The following ZNF587 variants were observed in gnomAD, a reference collection of about 807,000 sequenced individuals.
ZNF587 encodes the protein zinc finger protein zfp6.
Under a neutral mutation model 7.5 loss-of-function variants are expected in ZNF587, and 8 were observed. The ratio of observed to expected loss-of-function variants is 1.06; its 90% confidence interval spans 0.62 to 1.92. The LOEUF (loss-of-function observed/expected upper bound fraction) is 1.92, where lower values mean the gene tolerates loss of function less well. ZNF587 is among the 40% of genes most tolerant of loss of function. The pLI is 0.00. For missense variants in ZNF587, 468 were observed against 692.8 expected (o/e 0.68, Z 3.64); for synonymous variants, 145 against 237.8 (o/e 0.61, Z 3.59).
In ZNF587 at chr19:57,858,937, T is replaced by G; in HGVS notation, c.525T>G (p.Phe175Leu). 1 of 1,612,412 alleles carries G rather than the reference T, an allele frequency of 6.2e-7. No individual in the cohort carries two copies. Residue 175 changes from phenylalanine (F) to leucine (L), a missense_variant, in exon 3 of 3, where the codon TTT (phenylalanine) becomes TTG (leucine). Physicochemically the swap from Phe to Leu is conservative, Grantham distance 22. Coordinates refer to ENST00000339656, the MANE Select transcript of ZNF587 (RefSeq NM_032828.4). ...AGGAGCCATTTGTCTTCCGCGAGTT[T>G]GGGAAGGACGTTCTGCCCAGTTCAG... Reference protein sequence around the residue: ...VSQEPFVFREFGKDVLPSSGL... With the variant: ...VSQEPFVFRELGKDVLPSSGL...
rs1418523115 is a variant in ZNF587, at chr19:57,863,497, C to T, written c.*3357C>T. 1 of 152,230 alleles carries T rather than the reference C, an allele frequency of 6.6e-6. No individual in the cohort carries two copies. Among genetic ancestry groups the T allele is most frequent in the African/African-American group, 2.4e-5 (1 of 41,468 alleles). 9.4% of individuals were successfully genotyped at this position (152,230 alleles called of 1,614,324 possible). On this transcript the variant is annotated 3_prime_UTR_variant, in exon 3 of 3. Coordinates refer to ENST00000339656, the MANE Select transcript of ZNF587 (RefSeq NM_032828.4). ...ATCTCCAGACCTCGTGATCCGCCCG[C>T]CTTAGCCTCCCAAAGTGCTGGGATT... is the stretch of plus-strand genomic sequence containing the variant.
Position 57,862,689 on chromosome 19 carries a change from C to T in ZNF587, c.*2549C>T, listed in dbSNP as rs548556624. The T allele has an allele frequency of 1.9e-5, 3 of 154,978 alleles. No individual in the cohort carries two copies. The highest frequency in any genetic ancestry group is 6.6e-5 in the Admixed American group (1 of 15,266). The allele number at this position is 154,978 out of a possible 1,614,324, so 9.6% of individuals were successfully genotyped here. On this transcript the variant is annotated 3_prime_UTR_variant, in exon 3 of 3. Transcript: ENST00000339656. ...TAAATGTGAATTTGGCAAGTAACCA[C>T]TGTTCCCAGGGAAATGTCCCAATCA...
Position 57,864,627 on chromosome 19 carries a change from T to G in ZNF587, c.*4487T>G, listed in dbSNP as rs1438641295. ...ACATACATGAAATAGTGATACTTCA[T>G]TCTCAGTAATATCTTCATCCTTCTC... On this transcript the variant is annotated 3_prime_UTR_variant, in exon 3 of 3. Coordinates refer to ENST00000339656, the MANE Select transcript of ZNF587 (RefSeq NM_032828.4). 2.6e-5 allele frequency: 4 copies of G among 152,276 alleles called. No homozygotes were observed. Among genetic ancestry groups the G allele is most frequent in the African/African-American group, 9.6e-5 (4 of 41,532 alleles). 9.4% of individuals were successfully genotyped at this position (152,276 alleles called of 1,614,324 possible). A position where few individuals can be genotyped will look rare whatever the true frequency, so the allele number is the denominator to read the frequency against.
intron 1 of ZNF587, chr19:57,850,322 C>G (rs1272005294): frequency 3.1e-5 from 20 of 640,582 alleles, no homozygotes; most frequent in Non-Finnish European, 4.9e-5. Flanking sequence ...TCCTGCTGTT[C>G]GGGAGACAGG....
chr19:57,850,369 G>A, intron 1 of ZNF587: 1 of 590,762 alleles, frequency 1.7e-6, no homozygotes, highest in Non-Finnish European at 2.9e-6. Context: ...TGAGCATTCT[G>A]GGATCAGAGT....
chr19:57,859,766 C>G lies in ZNF587; in HGVS notation c.1354C>G (p.Leu452Val). The change falls in exon 3 of 3, where the codon CTG (leucine) becomes GTG (valine). Residue 452 changes from leucine to valine, a missense_variant. Transcript: ENST00000339656. ...ATTATTTAACAGGAAGTATCATCTT[C>G]TGGTTCATGAGAGAGTTCACACTGG... The part of the protein sequence containing the change: ...GKLFNRKYHL[L>V]VHERVHTGER... 6.2e-7 allele frequency: 1 copy of G among 1,612,636 alleles called. No individual in the cohort carries two copies. Among genetic ancestry groups the G allele is most frequent in the Non-Finnish European group, 8.5e-7 (1 of 1,179,686 alleles).
At position 57,863,027 on chromosome 19, in the gene ZNF587, A is replaced by T. The variant is rs1434095328; in HGVS notation, c.*2887A>T. The stretch of plus-strand genomic sequence containing the variant: ...GAGTGCAGTGGCACGATCTCGGCTC[A>T]CTGCAACTCCACCTCCCGGGTTCAC... On this transcript the variant is annotated 3_prime_UTR_variant, in exon 3 of 3. Transcript: ENST00000339656. 1.3e-5 allele frequency: 2 copies of T among 152,932 alleles called. No individual in the cohort carries two copies. Among genetic ancestry groups the T allele is most frequent in the Non-Finnish European group, 2.9e-5 (2 of 68,244 alleles). 9.5% of individuals were successfully genotyped at this position (152,932 alleles called of 1,614,324 possible).
chr19:57,861,789 T>TTTTTTTTTTC lies in ZNF587; in HGVS notation c.*1649_*1650insTTTTTTTTTC, dbSNP rs1555775628. 5.4e-5 allele frequency: 8 copies of TTTTTTTTTTC among 148,038 alleles called. No individual in the cohort carries two copies. Among genetic ancestry groups the TTTTTTTTTTC allele is most frequent in the African/African-American group, 1.6e-4 (6 of 38,324 alleles). The allele number at this position is 148,038 out of a possible 1,614,324, so 9.2% of individuals were successfully genotyped here. A position where few individuals can be genotyped will look rare whatever the true frequency, so the allele number is the denominator to read the frequency against. On this transcript the variant is annotated 3_prime_UTR_variant, in exon 3 of 3. Coordinates refer to ENST00000339656, the MANE Select transcript of ZNF587 (RefSeq NM_032828.4). ...TTTGGTTTTCTTTTTTTTTTTTTTT[T>TTTTTTTTTTC]CCAGATGGAGTCTAGCTCTGTCTCC...
At chr19:57,857,612 G>T (rs574920051) in intron 2 of ZNF587, among the ~76,000 whole-genome samples, 1 of 147,084 alleles carries the variant, frequency 6.8e-6, no homozygotes, top group Non-Finnish European at 1.5e-5. Flanking sequence ...ATGTGTGTAT[G>T]TGTATATATA....
intron 1 of ZNF587, chr19:57,850,281 C>T (rs117949564): frequency 0.062 from 47,342 of 759,574 alleles, 1,808 homozygotes; most frequent in Middle Eastern, 0.081. Flanking sequence ...TGGGGAATTG[C>T]GATGGAGAAA....
intron 1 of ZNF587, chr19:57,850,937 C>G: frequency 6.0e-6 from 1 of 167,822 alleles, no homozygotes. Context: ...TTAACTGAAA[C>G]GGGTGGCTGC....
Position 57,863,713 on chromosome 19 carries a change from A to C in ZNF587, c.*3573A>C, listed in dbSNP as rs1291576933. On this transcript the variant is annotated 3_prime_UTR_variant, in exon 3 of 3. Coordinates refer to ENST00000339656, the MANE Select transcript of ZNF587 (RefSeq NM_032828.4). ...AAAAGAAAGTTAAGAAATGTGGATA[A>C]AAGATTGTAAGTTAGAAATGGCAAG... 6.6e-6 allele frequency: 1 copy of C among 152,142 alleles called. No homozygotes were observed. Among genetic ancestry groups the C allele is most frequent in the Non-Finnish European group, 1.5e-5 (1 of 68,032 alleles). 9.4% of individuals were successfully genotyped at this position (152,142 alleles called of 1,614,324 possible). A position where few individuals can be genotyped will look rare whatever the true frequency, so the allele number is the denominator to read the frequency against.
In ZNF587 at chr19:57,863,272, C is replaced by T. The variant is rs1156870697; in HGVS notation, c.*3132C>T. The T allele has an allele frequency of 6.6e-6, 1 of 152,270 alleles. No individual in the cohort carries two copies. The highest frequency in any genetic ancestry group is 1.5e-5 in the Non-Finnish European group (1 of 68,110). The allele number at this position is 152,270 out of a possible 1,614,324, so 9.4% of individuals were successfully genotyped here. A position where few individuals can be genotyped will look rare whatever the true frequency, so the allele number is the denominator to read the frequency against. ...AGCTGGGATTACAGGTGCGTGCCAC[C>T]ACACCCAGCTAATTTTTGTATTTTT... On this transcript the variant is annotated 3_prime_UTR_variant, in exon 3 of 3. Transcript: ENST00000339656.
rs1484550079 is a variant in ZNF587 at position 57,859,507 on chromosome 19, C to G, written c.1095C>G (p.Phe365Leu). Reference sequence around the variant, plus strand: ...GTGGGAAATCTTTTCGTCAGAAGTTCTGCTTTATTAACCATCAGCGTGTTC... The same window carrying G: ...GTGGGAAATCTTTTCGTCAGAAGTTGTGCTTTATTAACCATCAGCGTGTTC... ...GECGKSFRQK[F>L]CFINHQRVHT... Residue 365 changes from phenylalanine to leucine, a missense_variant, in exon 3 of 3, where the codon TTC becomes TTG. This residue lies in a region of ZNF587 where 310 missense variants were observed against 325.6 expected (regional missense o/e 0.95). Coordinates refer to ENST00000339656, the MANE Select transcript of ZNF587 (RefSeq NM_032828.4). 1 of 1,613,438 alleles carries G rather than the reference C, an allele frequency of 6.2e-7. No homozygotes were observed. Among genetic ancestry groups the G allele is most frequent in the Non-Finnish European group, 8.5e-7 (1 of 1,179,750 alleles).
chr19:57,860,238 G>GATT lies in ZNF587; in HGVS notation c.*98_*99insATT. On this transcript the variant is annotated 3_prime_UTR_variant, in exon 3 of 3. Transcript: ENST00000339656. ...AAGGCCTTATGAGTGCTGTCAATGT[G>GATT]GAAAACATCAGAATGTCTGCTGTCC... 6.3e-7 allele frequency: 1 copy of GATT among 1,598,930 alleles called. No individual in the cohort carries two copies. Among genetic ancestry groups the GATT allele is most frequent in the Non-Finnish European group, 8.5e-7 (1 of 1,170,278 alleles).
Position 57,860,499 on chromosome 19 carries a change from C to T in ZNF587, c.*359C>T. The T allele has an allele frequency of 3.3e-6, 1 of 302,392 alleles. No individual in the cohort carries two copies. The highest frequency in any genetic ancestry group is 3.7e-5 in the South Asian group (1 of 27,034). The allele number at this position is 302,392 out of a possible 1,614,324, so 18.7% of individuals were successfully genotyped here. ...GGCCAGGCTGGTCTCAAACTCCTGA[C>T]CTCAAGTGATCCACCCACCTTGACT... On this transcript the variant is annotated 3_prime_UTR_variant, in exon 3 of 3. Transcript: ENST00000339656.
intron 1 of ZNF587, among the ~76,000 whole-genome samples, chr19:57,855,693 C>G (rs2071346007): frequency 6.6e-6 from 1 of 151,836 alleles, no homozygotes; most frequent in Admixed American, 6.6e-5. Flanking sequence ...TCCCGAGTAG[C>G]TGGGACTACA....
chr19:57,850,472 A>C, intron 1 of ZNF587: 1 of 484,456 alleles, frequency 2.1e-6, no homozygotes, highest in Non-Finnish European at 3.6e-6. Context: ...TGAGTTTTTC[A>C]TGCTGTTTTC....
rs1555775353 is a variant in ZNF587, at chr19:57,859,765, T to C, written c.1353T>C (p.Leu451=). 15 of 1,613,650 alleles carry C rather than the reference T, an allele frequency of 9.3e-6. No homozygotes were observed. In the South Asian group the frequency reaches 1.5e-4, roughly 17 times the overall value. The stretch of plus-strand genomic sequence containing the variant: ...AATTATTTAACAGGAAGTATCATCT[T>C]CTGGTTCATGAGAGAGTTCACACTG... ...CGKLFNRKYH[L]LVHERVHTGE... The change falls in exon 3 of 3, where the codon CTT becomes CTC. Residue 451 remains leucine (L), a synonymous_variant. Transcript: ENST00000339656.
Sources: gnomAD v4.1 joint callset for allele counts (sites outside exome capture counted in the v4.1 genomes callset) on GRCh38, gnomAD v4.1.1 for gene constraint, gnomAD v4.1.1 regional missense constraint, MANE v1.5 for transcripts, NCBI Gene and HGNC (gene_info 2026-07-23, HGNC 2026-07-21) for gene names.